FNDC3A: variants seen among roughly 807,000 people sequenced by gnomAD.
FNDC3A encodes the protein fibronectin type III domain containing 3A, also known as fibronectin type-III domain-containing protein 3A.
A neutral mutation model predicts 148.9 loss-of-function variants in FNDC3A; 32 were observed. The observed-to-expected ratio is 0.21, with a 90% CI of 0.16 to 0.29. The LOEUF (loss-of-function observed/expected upper bound fraction) is 0.29. Among genes scored for constraint, FNDC3A ranks in the 10% least tolerant of loss-of-function variants. The pLI is 1.00. For missense variants in FNDC3A, 1,191 were observed against 1,452.8 expected (o/e 0.82, Z 2.93); for synonymous variants, 472 against 473.6 (o/e 1.00, Z 0.04).
chr13:49,131,125 T>C lies in FNDC3A; in HGVS notation c.253-12T>C. The C allele has an allele frequency of 1.3e-6, 2 of 1,586,122 alleles. No individual in the cohort carries two copies. Among genetic ancestry groups the C allele is most frequent in the South Asian group, 2.2e-5 (2 of 90,492 alleles). On this transcript the variant is annotated splice_polypyrimidine_tract_variant and intron_variant, in intron 4 of 25. Transcript: ENST00000492622. The stretch of plus-strand genomic sequence containing the variant: ...CTATGGAAGAAATTTTAATCTGATG[T>C]TCATTTTGTAGGTTATTGAAGACAA...
At chr13:49,112,115 A>G (rs1188283906) in intron 3 of FNDC3A, among the ~76,000 whole-genome samples, 1 of 152,232 alleles carries the variant, frequency 6.6e-6, no homozygotes, top group Admixed American at 6.5e-5. Context: ...GGCAAAAGAA[A>G]AACCTATTCT....
intron 2 of FNDC3A, among the ~76,000 whole-genome samples, chr13:49,021,387 T>G (rs1873315757): frequency 6.6e-6 from 1 of 152,198 alleles, no homozygotes; most frequent in Admixed American, 6.5e-5. Context: ...AGCTCTGAGT[T>G]AGGACAAATC....
rs780820621 is a variant in FNDC3A at position 49,197,770 on chromosome 13, T to C, written c.2386T>C (p.Trp796Arg). The C allele has an allele frequency of 6.2e-7, 1 of 1,609,888 alleles. No individual in the cohort carries two copies. Among genetic ancestry groups the C allele is most frequent in the South Asian group, 1.1e-5 (1 of 89,982 alleles). Residue 796 changes from tryptophan to arginine, a missense_variant, in exon 21 of 26, where the codon TGG becomes CGG. Trp to Arg is a moderately radical substitution (Grantham distance 101). This residue lies in a region of FNDC3A where 751 missense variants were observed against 944.0 expected (regional missense o/e 0.80). Transcript: ENST00000492622. ...AGATGTCACTGAATATCGACTGGAG[T>C]GGGGAGGAGTTGAAGGAAGTATGCA... Reference protein sequence around the residue: ...GTDVTEYRLEWGGVEGSMQIC... With the variant: ...GTDVTEYRLERGGVEGSMQIC...
At chr13:48,984,313 G>C (rs1951749718) in intron 1 of FNDC3A, among the ~76,000 whole-genome samples, 1 of 152,138 alleles carries the variant, frequency 6.6e-6, no homozygotes, top group African/African-American at 2.4e-5. Context: ...TTTTAAAATG[G>C]AATTTGACAA....
In FNDC3A at chr13:49,021,091, A is replaced by G. The variant is rs200213443; in HGVS notation, c.99+14802A>G. Among the ~76,000 whole-genome samples the G allele has an allele frequency of 5.3e-5, 8 of 152,362 alleles. No homozygotes were observed. In the East Asian group the frequency reaches 1.5e-3, roughly 29 times the overall value. The stretch of plus-strand genomic sequence containing the variant: ...GAAAAAAATGTTAGTAATTTCTGAT[A>G]TAACACCCTAGTGAGTAGGCCTATG... On this transcript the variant is annotated intron_variant, in intron 2 of 25. Transcript: ENST00000492622.
At chr13:49,142,825 T>G (rs1391848629) in intron 7 of FNDC3A, among the ~76,000 whole-genome samples, 1 of 152,210 alleles carries the variant, frequency 6.6e-6, no homozygotes, top group East Asian at 1.9e-4. Flanking sequence ...ATGTAGTCAC[T>G]CTTTCTGTGA....
chr13:49,116,451 G>T (rs372794335), intron 4 of FNDC3A, among the ~76,000 whole-genome samples: 4 of 152,162 alleles, frequency 2.6e-5, no homozygotes, highest in South Asian at 2.1e-4. Context: ...GACTCATGCC[G>T]CTCTGTGGTT....
chr13:49,179,756 T>C (rs1314589064), intron 14 of FNDC3A, among the ~76,000 whole-genome samples: 2 of 152,210 alleles, frequency 1.3e-5, no homozygotes, highest in Non-Finnish European at 2.9e-5. Flanking sequence ...AGAATCCTTT[T>C]GACATGTCTC....
intron 2 of FNDC3A, among the ~76,000 whole-genome samples, chr13:49,007,218 T>C (rs775230520): frequency 6.6e-5 from 10 of 152,124 alleles, no homozygotes; most frequent in African/African-American, 2.2e-4. Flanking sequence ...TAGGCAATTA[T>C]GATTTGCTGA....
chr13:49,134,552 A>G (rs1364785223), intron 5 of FNDC3A, among the ~76,000 whole-genome samples: 1 of 152,050 alleles, frequency 6.6e-6, no homozygotes, highest in Non-Finnish European at 1.5e-5. Flanking sequence ...TATGTGCCTC[A>G]GAGTGGAATT....
At chr13:49,174,400 G>GT in intron 11 of FNDC3A, 35 bp from the exon 12 acceptor site, 3 of 1,570,862 alleles carry the variant, frequency 1.9e-6, no homozygotes, top group Non-Finnish European at 2.6e-6. Flanking sequence ...TTACAGTAAT[G>GT]TACATGGTAT....
rs576777024 is a variant in FNDC3A at position 49,145,478 on chromosome 13, A to G, written c.820-300A>G. On this transcript the variant is annotated intron_variant, in intron 7 of 25. Coordinates refer to ENST00000492622, the MANE Select transcript of FNDC3A (RefSeq NM_001079673.2). ...TAAAAACATTTTCTAAGCTGAGGAAATGAACCCTTTCAAACATGTTACAAT... is the reference window on the plus strand; with the variant it reads ...TAAAAACATTTTCTAAGCTGAGGAAGTGAACCCTTTCAAACATGTTACAAT... Among the ~76,000 whole-genome samples the G allele has an allele frequency of 2.0e-5, 3 of 152,308 alleles. No homozygotes were observed. In the East Asian group the frequency reaches 5.8e-4, roughly 29 times the overall value.
rs1383026903 is a variant in FNDC3A, at chr13:49,010,539, A to G, written c.99+4250A>G. On this transcript the variant is annotated intron_variant, in intron 2 of 25. Transcript: ENST00000492622. ...GATGAATGGATGCCAACGGACAAAT[A>G]AAGAATCTAAGAAAACACAGAATGT... 5.3e-5 allele frequency among the ~76,000 whole-genome samples: 8 copies of G among 152,366 alleles called. No homozygotes were observed. In the East Asian group the frequency reaches 1.5e-3, roughly 29 times the overall value.
chr13:48,986,385 GTTTTTTTTTTT>G (rs869031197), intron 1 of FNDC3A, among the ~76,000 whole-genome samples: 11 of 54,420 alleles, frequency 2.0e-4, no homozygotes, highest in Admixed American at 1.3e-3. Flanking sequence ...GAAGGAAGTT[GTTTTTTTTTTT>G]TTTTTTTTTT....
chr13:49,180,497 C>T (rs1885249712), intron 14 of FNDC3A, among the ~76,000 whole-genome samples: 1 of 151,772 alleles, frequency 6.6e-6, no homozygotes. Flanking sequence ...TATAAAATAC[C>T]TGAGAAATAG....
intron 3 of FNDC3A, among the ~76,000 whole-genome samples, chr13:49,104,903 T>C (rs1031440417): frequency 6.6e-6 from 1 of 152,188 alleles, no homozygotes; most frequent in African/African-American, 2.4e-5. Flanking sequence ...TTTTTTAGGA[T>C]ACAAACACAC....
chr13:49,131,448 A>G (rs944631158), intron 5 of FNDC3A, 74 bp downstream of exon 5: 6 of 1,080,858 alleles, frequency 5.6e-6, no homozygotes, highest in Middle Eastern at 2.2e-4. Flanking sequence ...TGCCATTATC[A>G]TATCACATTA....
At chr13:49,003,303 G>A (rs916437533) in intron 1 of FNDC3A, among the ~76,000 whole-genome samples, 4 of 152,064 alleles carry the variant, frequency 2.6e-5, no homozygotes, top group Admixed American at 1.3e-4. Flanking sequence ...GACCTCAAGT[G>A]ATGTGCCTAC....
At chr13:49,118,351 C>T (rs1490640158) in intron 4 of FNDC3A, among the ~76,000 whole-genome samples, 3 of 152,190 alleles carry the variant, frequency 2.0e-5, no homozygotes, top group African/African-American at 2.4e-5. Flanking sequence ...CCACAGTCTT[C>T]GCAACCCGCA....
Sources: gnomAD v4.1 joint callset for allele counts (sites outside exome capture counted in the v4.1 genomes callset) on GRCh38, gnomAD v4.1.1 for gene constraint, gnomAD v4.1.1 regional missense constraint, MANE v1.5 for transcripts, NCBI Gene and HGNC (gene_info 2026-07-23, HGNC 2026-07-21) for gene names.